Variants in DCDC1 observed in about 807,000 individuals in gnomAD.
DCDC1 encodes the protein doublecortin domain-containing protein 1.
DCDC1 carries 200 observed loss-of-function variants against 178.3 expected under a neutral mutation model. The ratio of observed to expected loss-of-function variants is 1.12; its 90% CI spans 1.00 to 1.26. DCDC1 has a LOEUF of 1.26. Among genes scored for constraint, DCDC1 ranks in the 50% most tolerant of loss-of-function variants. The pLI, the probability that DCDC1 is intolerant of heterozygous loss-of-function variation, is 0.00. For synonymous variants in DCDC1, 690 were observed against 604.8 expected, an observed-to-expected ratio of 1.14 and a Z score of -2.07; for missense variants, 1,983 against 1,749.2, an observed-to-expected ratio of 1.13 and a Z score of -2.38.
chr11:31,024,425 C>T (rs12286891), intron 20 of DCDC1, among the ~76,000 whole-genome samples: 25 of 151,672 alleles, frequency 1.6e-4, no homozygotes, highest in Admixed American at 4.6e-4. Context: ...TGTAAAAATA[C>T]ATATCATAAT....
chr11:31,264,187 T>C (rs530841667), intron 8 of DCDC1, among the ~76,000 whole-genome samples: 1 of 152,154 alleles, frequency 6.6e-6, no homozygotes, highest in African/African-American at 2.4e-5. Context: ...ACAACAAAGA[T>C]AGTGTCTCTT....
At chr11:31,050,700 T>C (rs1170585014) in intron 20 of DCDC1, among the ~76,000 whole-genome samples, 4 of 152,092 alleles carry the variant, frequency 2.6e-5, no homozygotes, top group Non-Finnish European at 1.5e-5. Flanking sequence ...CAACCCCTAG[T>C]ACCAGCCTGG....
chr11:31,139,553 T>C (rs950548630), intron 9 of DCDC1, among the ~76,000 whole-genome samples: 11 of 152,116 alleles, frequency 7.2e-5, no homozygotes, highest in Admixed American at 7.2e-4. Flanking sequence ...CTTTACAAAA[T>C]TTATTTCCAA....
chr11:31,135,100 T>C (rs548091850), intron 10 of DCDC1, among the ~76,000 whole-genome samples: 26 of 152,324 alleles, frequency 1.7e-4, no homozygotes, highest in South Asian at 1.7e-3. Flanking sequence ...AAATTTCATG[T>C]GGAAAATTAT....
At chr11:30,874,721 A>G (rs1316579383) in intron 38 of DCDC1, among the ~76,000 whole-genome samples, 1 of 152,114 alleles carries the variant, frequency 6.6e-6, no homozygotes, top group Non-Finnish European at 1.5e-5. Flanking sequence ...AGAGATGACC[A>G]CCGAACTGCC....
intron 36 of DCDC1, among the ~76,000 whole-genome samples, chr11:30,886,224 T>C (rs778596266): frequency 6.6e-6 from 1 of 152,156 alleles, no homozygotes; most frequent in Admixed American, 6.6e-5. Flanking sequence ...TTTATCCTTT[T>C]TCTAATTTTA....
chr11:31,124,401 T>A (rs999608227), intron 11 of DCDC1, among the ~76,000 whole-genome samples: 1 of 152,058 alleles, frequency 6.6e-6, no homozygotes, highest in Non-Finnish European at 1.5e-5. Flanking sequence ...TAAATTACCA[T>A]TGACATTCTT....
intron 20 of DCDC1, among the ~76,000 whole-genome samples, chr11:30,991,631 C>T (rs1206432507): frequency 1.3e-5 from 2 of 152,152 alleles, no homozygotes; most frequent in Non-Finnish European, 2.9e-5. Flanking sequence ...CAAGCCTGCA[C>T]ATTTGATCTC....
chr11:31,362,165 A>T (rs995668900), intron 1 of DCDC1, among the ~76,000 whole-genome samples: 2 of 152,176 alleles, frequency 1.3e-5, no homozygotes, highest in African/African-American at 4.8e-5. Context: ...CAGATTTTTA[A>T]GATTCTAAAT....
chr11:31,327,262 G>A (rs1949699272), intron 3 of DCDC1, among the ~76,000 whole-genome samples: 2 of 152,090 alleles, frequency 1.3e-5, no homozygotes, highest in African/African-American at 2.4e-5. Context: ...TCCAGCTCCC[G>A]GGTTCAAGCG....
chr11:30,932,058 T>C lies in DCDC1; in HGVS notation c.2716-106A>G, dbSNP rs961334226. On this transcript the variant is annotated intron_variant, in intron 21 of 38. Transcript: ENST00000684477. The stretch of plus-strand genomic sequence containing the variant: ...TTTATACCTTTAATCTCTCATTCAT[T>C]CAACAAAAATGTATTGGGGTACCTA... The C allele has an allele frequency of 3.6e-6, 4 of 1,097,656 alleles. No homozygotes were observed. The African/African-American group carries it at 6.4e-5, about 18-fold the overall frequency. 68.0% of individuals were successfully genotyped at this position (1,097,656 alleles called of 1,614,324 possible).
At chr11:30,959,386 C>T (rs1194627983) in intron 20 of DCDC1, among the ~76,000 whole-genome samples, 1 of 152,090 alleles carries the variant, frequency 6.6e-6, no homozygotes, top group Non-Finnish European at 1.5e-5. Context: ...CCATTCTCCT[C>T]CCTGTTCACA....
At chr11:31,323,789 T>G (rs1036522969) in intron 3 of DCDC1, among the ~76,000 whole-genome samples, 10 of 152,114 alleles carry the variant, frequency 6.6e-5, no homozygotes, top group Admixed American at 6.5e-4. Flanking sequence ...ATAACCCCAC[T>G]TATGTTTGGT....
At chr11:30,882,653 G>A (rs1040521853) in intron 36 of DCDC1, 8 of 152,084 alleles carry the variant, frequency 5.3e-5, no homozygotes, top group African/African-American at 1.9e-4. Flanking sequence ...CCAAGTAGAT[G>A]TCTAGGGTCA....
intron 10 of DCDC1, among the ~76,000 whole-genome samples, chr11:31,132,785 C>T (rs1364978878): frequency 6.6e-6 from 1 of 152,182 alleles, no homozygotes; most frequent in Non-Finnish European, 1.5e-5. Context: ...AAAGCCTACA[C>T]ATTCTACTCT....
chr11:31,080,451 T>A (rs1247376811), intron 17 of DCDC1, among the ~76,000 whole-genome samples: 13 of 152,194 alleles, frequency 8.5e-5, no homozygotes, highest in Non-Finnish European at 1.8e-4. Context: ...GGAGTCAACA[T>A]CTTAGTCTCA....
intron 21 of DCDC1, among the ~76,000 whole-genome samples, chr11:30,934,080 T>G (rs1169619159): frequency 6.6e-6 from 1 of 152,166 alleles, no homozygotes; most frequent in Non-Finnish European, 1.5e-5. Flanking sequence ...TCCCTTTGAG[T>G]GCATTCCAAG....
intron 20 of DCDC1, among the ~76,000 whole-genome samples, chr11:31,055,942 A>G (rs1008476246): frequency 6.6e-6 from 1 of 152,272 alleles, no homozygotes; most frequent in Non-Finnish European, 1.5e-5. Flanking sequence ...CTCACAAATC[A>G]CCACTAAAGA....
intron 8 of DCDC1, among the ~76,000 whole-genome samples, chr11:31,254,745 G>C (rs1944299077): frequency 6.6e-6 from 1 of 152,080 alleles, no homozygotes; most frequent in Non-Finnish European, 1.5e-5. Flanking sequence ...GAACAAGTGG[G>C]GCAAATTGGT....
Sources: gnomAD v4.1 joint callset for allele counts (sites outside exome capture counted in the v4.1 genomes callset) on GRCh38, gnomAD v4.1.1 for gene constraint, MANE v1.5 for transcripts, NCBI Gene and HGNC (gene_info 2026-07-23, HGNC 2026-07-21) for gene names.